LGR6: variants seen among roughly 807,000 people sequenced by gnomAD.
The protein encoded by LGR6 is leucine-rich repeat-containing G protein-coupled receptor 6.
Under a neutral mutation model 69.4 loss-of-function variants are expected in LGR6, and 45 were observed. The ratio of observed to expected loss-of-function variants is 0.65; its 90% confidence interval spans 0.51 to 0.83. LGR6 has a LOEUF of 0.83. LGR6 is among the 40% of genes least tolerant of loss of function. The pLI, the probability that LGR6 is intolerant of heterozygous loss-of-function variation, is 0.00. For synonymous variants in LGR6, 538 were observed against 555.0 expected (o/e 0.97, Z 0.43); for missense variants, 1,108 against 1,246.7 (o/e 0.89, Z 1.68).
chr1:202,280,719 T>C, intron 5 of LGR6, 62 bp from the exon 6 acceptor site: 1 of 1,449,002 alleles, frequency 6.9e-7, no homozygotes, highest in Middle Eastern at 1.9e-4. Context: ...CCATGTGCTC[T>C]TCCATCCCCT....
chr1:202,276,617 C>A, intron 5 of LGR6, 96 bp downstream of exon 5: 1 of 1,027,016 alleles, frequency 9.7e-7, no homozygotes, highest in Non-Finnish European at 1.4e-6. Flanking sequence ...GCTAGCTTTG[C>A]TCTTCTTTGC....
intron 1 of LGR6, among the ~76,000 whole-genome samples, chr1:202,194,829 A>G (rs1336276760): frequency 3.3e-5 from 5 of 152,144 alleles, no homozygotes; most frequent in Non-Finnish European, 7.4e-5. Context: ...GGGCCTCCCT[A>G]AAGTCATGTC....
At chr1:202,248,745 C>G (rs1662973126) in intron 4 of LGR6, among the ~76,000 whole-genome samples, 1 of 152,172 alleles carries the variant, frequency 6.6e-6, no homozygotes, top group African/African-American at 2.4e-5. Context: ...GCAATCTCTT[C>G]CCCAAGGAAA....
intron 4 of LGR6, among the ~76,000 whole-genome samples, chr1:202,254,155 C>T (rs1663555574): frequency 6.6e-6 from 1 of 152,104 alleles, no homozygotes; most frequent in Non-Finnish European, 1.5e-5. Context: ...ACCGTGTTAG[C>T]CAGGATGGTC....
chr1:202,251,290 A>G (rs1011575720), intron 4 of LGR6, among the ~76,000 whole-genome samples: 1 of 152,182 alleles, frequency 6.6e-6, no homozygotes, highest in Non-Finnish European at 1.5e-5. Flanking sequence ...ATAAAACAGG[A>G]ATGAGAAAAG....
chr1:202,291,945 C>T (rs371350016), intron 6 of LGR6, among the ~76,000 whole-genome samples: 1 of 152,118 alleles, frequency 6.6e-6, no homozygotes, highest in African/African-American at 2.4e-5. Flanking sequence ...ATCATTCTGA[C>T]TACAGGGATT....
In LGR6 at chr1:202,303,304, C is replaced by T. The variant is rs867162276; in HGVS notation, c.955C>T (p.Gln319Ter). 2 of 1,614,006 alleles carry T rather than the reference C, an allele frequency of 1.2e-6. No individual in the cohort carries two copies. The highest frequency in any genetic ancestry group is 1.7e-4 in the Middle Eastern group (1 of 6,056). ...ATCTCTGAATGGTGCCATGGACATC[C>T]AGGAGTTTCCAGATCTCAAAGGCAC... Reference protein sequence around the residue: ...TLSLNGAMDIQEFPDLKGTTS... With the variant: ...TLSLNGAMDI The change falls in exon 10 of 18, where the codon CAG (glutamine) becomes TAG (stop). Residue 319 changes from glutamine to a stop codon, truncating the protein, a stop_gained. Coordinates refer to ENST00000367278, the MANE Select transcript of LGR6 (RefSeq NM_001017403.2). LOFTEE classifies it high-confidence loss of function.
chr1:202,257,210 A>C lies in LGR6; in HGVS notation c.429-19096A>C, dbSNP rs1663845227. Among the ~76,000 whole-genome samples, 2 of 147,654 alleles carry C rather than the reference A, an allele frequency of 1.4e-5. 1 individual carries two copies. The highest frequency in any genetic ancestry group is 4.3e-4 in the South Asian group (2 of 4,614). On this transcript the variant is annotated intron_variant, in intron 4 of 17. Coordinates refer to ENST00000367278, the MANE Select transcript of LGR6 (RefSeq NM_001017403.2). ...TCCTTTGACATAAGTCCCTTATCAG[A>C]TATATGGTTTGAAAATGTTTTTCTC...
At chr1:202,294,173 A>G (rs1031384680) in intron 6 of LGR6, among the ~76,000 whole-genome samples, 1 of 152,204 alleles carries the variant, frequency 6.6e-6, no homozygotes, top group African/African-American at 2.4e-5. Flanking sequence ...TGCTTCATCT[A>G]TCAAGTATTT....
chr1:202,310,728 A>G (rs1015721003), intron 16 of LGR6, among the ~76,000 whole-genome samples: 5 of 152,096 alleles, frequency 3.3e-5, no homozygotes, highest in African/African-American at 1.2e-4. Context: ...CAGACCCCTT[A>G]TTTTATCAAT....
intron 4 of LGR6, among the ~76,000 whole-genome samples, chr1:202,239,344 G>GGTGTGTGTGTGTGT (rs36157781): frequency 2.1e-5 from 3 of 144,156 alleles, no homozygotes; most frequent in Non-Finnish European, 3.0e-5. Flanking sequence ...GTGTGTGTGT[G>GGTGTGTGTGTGTGT]GTGTGTGTGT....
chr1:202,234,685 A>G (rs927135285), intron 3 of LGR6, among the ~76,000 whole-genome samples: 1 of 152,156 alleles, frequency 6.6e-6, no homozygotes, highest in African/African-American at 2.4e-5. Context: ...TATCTGTTGG[A>G]GTTGTAACAA....
chr1:202,256,022 C>T (rs1663739956), intron 4 of LGR6, among the ~76,000 whole-genome samples: 1 of 152,208 alleles, frequency 6.6e-6, no homozygotes, highest in Non-Finnish European at 1.5e-5. Flanking sequence ...AAAATCCTTA[C>T]TCATTAGCAG....
At chr1:202,300,688 T>C (rs751074848) in intron 7 of LGR6, among the ~76,000 whole-genome samples, 161 bp from the exon 8 acceptor site, 24 of 148,602 alleles carry the variant, frequency 1.6e-4, no homozygotes, top group Non-Finnish European at 3.4e-4. Flanking sequence ...GAAAGAAAAA[T>C]CACAGGCAGT....
At chr1:202,286,944 G>A (rs940948069) in intron 6 of LGR6, among the ~76,000 whole-genome samples, 3 of 152,086 alleles carry the variant, frequency 2.0e-5, no homozygotes, top group Admixed American at 6.5e-5. Context: ...TCCCCTGCTG[G>A]CAATGGGGAC....
Position 202,276,577 on chromosome 1 carries a change from G to A in LGR6, c.644+56G>A, listed in dbSNP as rs1009699362. ...GGGGTCCTGCTGGGGGCTGGGGGCT[G>A]CATGTTTACTTGAGTTGGATTGGAG... On this transcript the variant is annotated intron_variant, in intron 5 of 17. Coordinates refer to ENST00000367278, the MANE Select transcript of LGR6 (RefSeq NM_001017403.2). 1.9e-5 allele frequency: 27 copies of A among 1,417,324 alleles called. No individual in the cohort carries two copies. In the Admixed American group the frequency reaches 3.7e-4, roughly 19 times the overall value. The allele number at this position is 1,417,324 out of a possible 1,614,324, so 87.8% of individuals were successfully genotyped here.
chr1:202,262,976 T>C (rs1349012628), intron 4 of LGR6, among the ~76,000 whole-genome samples: 1 of 150,644 alleles, frequency 6.6e-6, no homozygotes, highest in Non-Finnish European at 1.5e-5. Context: ...TTTTATTTTA[T>C]TTTATGCTGT....
At chr1:202,233,205 C>T (rs1311782244) in intron 3 of LGR6, among the ~76,000 whole-genome samples, 1 of 152,086 alleles carries the variant, frequency 6.6e-6, no homozygotes, top group African/African-American at 2.4e-5. Flanking sequence ...AATTCAGAAA[C>T]CTTAAAGATC....
At chr1:202,301,057 G>A in intron 8 of LGR6, 107 bp from the exon 9 acceptor site, 2 of 1,353,428 alleles carry the variant, frequency 1.5e-6, no homozygotes, top group South Asian at 1.2e-5. Context: ...TTCCCTGCAT[G>A]TTCTTTCCTG....
Sources: gnomAD v4.1 joint callset for allele counts (sites outside exome capture counted in the v4.1 genomes callset) on GRCh38, gnomAD v4.1.1 for gene constraint, MANE v1.5 for transcripts, NCBI Gene and HGNC (gene_info 2026-07-23, HGNC 2026-07-21) for gene names.